TFCP2L1: variants seen among roughly 807,000 people sequenced by gnomAD.
TFCP2L1 encodes the protein transcription factor CP2-like protein 1.
In TFCP2L1, 12 loss-of-function variants were observed where a neutral mutation model predicts 72.2. The ratio of observed to expected loss-of-function variants is 0.17; its 90% confidence interval spans 0.11 to 0.27. TFCP2L1 has a LOEUF of 0.27. Ranked by LOEUF, TFCP2L1 falls within the 10% of genes least tolerant of loss-of-function variation. The probability of loss-of-function intolerance (pLI) is 1.00; values close to 1 mark genes in which losing one functional copy is unlikely to be tolerated. For synonymous variants in TFCP2L1, 260 were observed against 251.0 expected, an observed-to-expected ratio of 1.04 and a Z score of -0.34; for missense variants, 488 against 624.6, an observed-to-expected ratio of 0.78 and a Z score of 2.33.
intron 13 of TFCP2L1, among the ~76,000 whole-genome samples, chr2:121,227,720 TAC>T (rs144192362): frequency 0.025 from 3,657 of 147,354 alleles, 49 homozygotes; most frequent in Non-Finnish European, 0.037. Context: ...AAACATACAA[TAC>T]ACACACACAC....
intron 2 of TFCP2L1, among the ~76,000 whole-genome samples, chr2:121,255,176 AC>A (rs2104717291): frequency 6.6e-6 from 1 of 152,262 alleles, no homozygotes; most frequent in South Asian, 2.1e-4. Flanking sequence ...TCCTCTCTCA[AC>A]CTCTCCTTTC....
At chr2:121,274,094 C>CAA (rs569943932) in intron 2 of TFCP2L1, among the ~76,000 whole-genome samples, 4 of 60,768 alleles carry the variant, frequency 6.6e-5, no homozygotes, top group South Asian at 5.6e-4. Context: ...ACTCTGTCTC[C>CAA]AAAAAAAAAA....
chr2:121,275,970 A>C (rs1687139453), intron 2 of TFCP2L1, among the ~76,000 whole-genome samples: 1 of 152,234 alleles, frequency 6.6e-6, no homozygotes, highest in African/African-American at 2.4e-5. Flanking sequence ...AGGAAAACAT[A>C]TTTCTAAGCT....
intron 2 of TFCP2L1, among the ~76,000 whole-genome samples, chr2:121,267,915 G>A (rs1356409938): frequency 2.0e-5 from 3 of 152,138 alleles, no homozygotes; most frequent in Non-Finnish European, 2.9e-5. Context: ...GCATGGTGGC[G>A]CACATCTGTA....
At chr2:121,268,270 G>A (rs998778898) in intron 2 of TFCP2L1, among the ~76,000 whole-genome samples, 7 of 152,114 alleles carry the variant, frequency 4.6e-5, no homozygotes, top group South Asian at 2.1e-4. Context: ...ACCTTTGAAC[G>A]TGGTTTACCA....
rs1444233391 is a variant in TFCP2L1 at position 121,285,142 on chromosome 2, G to A, written c.-33C>T. 2 of 1,465,978 alleles carry A rather than the reference G, an allele frequency of 1.4e-6. No homozygotes were observed. The highest frequency in any genetic ancestry group is 9.0e-7 in the Non-Finnish European group (1 of 1,105,844). 90.8% of individuals were successfully genotyped at this position (1,465,978 alleles called of 1,614,324 possible). A position where few individuals can be genotyped will look rare whatever the true frequency, so the allele number is the denominator to read the frequency against. On this transcript the variant is annotated 5_prime_UTR_variant, in exon 1 of 15. Transcript: ENST00000263707. ...ACTCCCAGCGCGCCGACCGGGGCGC[G>A]GCAGCAAGCGCAGACGCGGGGCGCG...
At chr2:121,275,180 C>T (rs575149445) in intron 2 of TFCP2L1, among the ~76,000 whole-genome samples, 7 of 152,026 alleles carry the variant, frequency 4.6e-5, no homozygotes, top group African/African-American at 1.4e-4. Context: ...TTCAGGAGAT[C>T]GAGACCATCC....
rs1308305327 is a variant in TFCP2L1 at position 121,221,214 on chromosome 2, A to T, written c.*3127T>A. The stretch of plus-strand genomic sequence containing the variant: ...GTGATTCAGTTTCCTCATGACTCAT[A>T]ACAGGAAATCATTGGTCTCAACCTT... On this transcript the variant is annotated 3_prime_UTR_variant, in exon 15 of 15. Transcript: ENST00000263707. The T allele has an allele frequency of 6.6e-6, 1 of 152,198 alleles. No homozygotes were observed. The highest frequency in any genetic ancestry group is 1.5e-5 in the Non-Finnish European group (1 of 68,044). The allele number at this position is 152,198 out of a possible 1,614,324, so 9.4% of individuals were successfully genotyped here.
intron 2 of TFCP2L1, among the ~76,000 whole-genome samples, chr2:121,275,398 C>CGAAAAAAAAAA (rs1687126075): frequency 1.5e-5 from 1 of 65,728 alleles, no homozygotes; most frequent in Non-Finnish European, 2.6e-5. Flanking sequence ...GACTCCATCT[C>CGAAAAAAAAAA]AAAAAAAAAA....
intron 2 of TFCP2L1, among the ~76,000 whole-genome samples, chr2:121,253,088 C>A (rs1051462009): frequency 6.6e-6 from 1 of 152,164 alleles, no homozygotes; most frequent in Non-Finnish European, 1.5e-5. Flanking sequence ...CAGAGCCACA[C>A]GGCACCATGT....
chr2:121,275,256 CGCCTGT>C (rs1381686822), intron 2 of TFCP2L1, among the ~76,000 whole-genome samples: 11 of 7,272 alleles, frequency 1.5e-3, no homozygotes, highest in African/African-American at 0.014. Flanking sequence ...TGGCGGCGGG[CGCCTGT>C]AGTCGCGGCG....
chr2:121,283,556 A>C (rs1687306344), intron 1 of TFCP2L1, among the ~76,000 whole-genome samples: 1 of 151,998 alleles, frequency 6.6e-6, no homozygotes, highest in Admixed American at 6.5e-5. Flanking sequence ...CAAATCCTAA[A>C]AGGTACCTGA....
intron 2 of TFCP2L1, among the ~76,000 whole-genome samples, chr2:121,254,854 G>A (rs570109260): frequency 6.6e-6 from 1 of 151,930 alleles, no homozygotes; most frequent in African/African-American, 2.4e-5. Context: ...GCCAGGCAGA[G>A]GGGGAGGAGT....
In TFCP2L1 at chr2:121,219,922, G is replaced by T. The variant is rs1489895416; in HGVS notation, c.*4419C>A. On this transcript the variant is annotated 3_prime_UTR_variant, in exon 15 of 15. Transcript: ENST00000263707. Reference sequence around the variant, plus strand: ...GCAAAGAGACTCATACTGAGCGAGGGTCTGGGATCTAGGACCCTGACTCTG... The same window carrying T: ...GCAAAGAGACTCATACTGAGCGAGGTTCTGGGATCTAGGACCCTGACTCTG... 1 of 152,100 alleles carries T rather than the reference G, an allele frequency of 6.6e-6. No individual in the cohort carries two copies. The highest frequency in any genetic ancestry group is 6.5e-5 in the Admixed American group (1 of 15,272). 9.4% of individuals were successfully genotyped at this position (152,100 alleles called of 1,614,324 possible).
At chr2:121,246,728 G>T in intron 6 of TFCP2L1, 90 bp downstream of exon 6, 2 of 1,546,792 alleles carry the variant, frequency 1.3e-6, no homozygotes, top group Non-Finnish European at 1.8e-6. Context: ...CGCTGGGCCT[G>T]TAAGAGGAAA....
intron 13 of TFCP2L1, among the ~76,000 whole-genome samples, chr2:121,229,368 C>T (rs1178445913): frequency 1.3e-5 from 2 of 152,170 alleles, no homozygotes; most frequent in Non-Finnish European, 2.9e-5. Context: ...CTACCTTCTG[C>T]TGTTCTATGT....
intron 7 of TFCP2L1, chr2:121,240,375 A>T (rs1686344165): frequency 2.0e-6 from 2 of 985,442 alleles, no homozygotes; most frequent in Non-Finnish European, 2.4e-6. Flanking sequence ...GAAAAAGTTC[A>T]TCTCTTCCCT....
intron 1 of TFCP2L1, among the ~76,000 whole-genome samples, chr2:121,282,319 TAAAAA>T (rs539101704): frequency 1.2e-5 from 1 of 86,288 alleles, no homozygotes. Flanking sequence ...CTCTCCACAT[TAAAAA>T]AAAAAAAAAA....
intron 7 of TFCP2L1, 84 bp from the exon 8 acceptor site, chr2:121,239,733 GACAC>G: frequency 1.2e-5 from 16 of 1,307,604 alleles, no homozygotes; most frequent in Non-Finnish European, 1.6e-5. Flanking sequence ...GGCATGCACT[GACAC>G]CAATGCATGA....
Sources: gnomAD v4.1 joint callset for allele counts (sites outside exome capture counted in the v4.1 genomes callset) on GRCh38, gnomAD v4.1.1 for gene constraint, MANE v1.5 for transcripts, NCBI Gene and HGNC (gene_info 2026-07-23, HGNC 2026-07-21) for gene names.